Variants in NRG1 observed in about 807,000 individuals in gnomAD.
NRG1 encodes the protein pro-neuregulin-1, membrane-bound isoform.
In NRG1, 18 loss-of-function variants were observed where a neutral mutation model predicts 63.8. That is an observed-to-expected ratio of 0.28 (90% confidence interval 0.19 to 0.42). The LOEUF (loss-of-function observed/expected upper bound fraction) is 0.42. Among genes scored for constraint, NRG1 ranks in the 10% least tolerant of loss-of-function variants. NRG1 has a pLI of 1.00. For synonymous variants in NRG1, 302 were observed against 301.3 expected (o/e 1.00, Z -0.02); for missense variants, 762 against 814.7 (o/e 0.94, Z 0.79).
intron 1 of NRG1, among the ~76,000 whole-genome samples, chr8:31,931,737 G>C (rs533216041): frequency 6.6e-6 from 1 of 152,306 alleles, no homozygotes; most frequent in East Asian, 1.9e-4. Context: ...AGGCAGTGCA[G>C]AGGACATGTG....
intron 1 of NRG1, among the ~76,000 whole-genome samples, chr8:31,664,194 T>A (rs1806296219): frequency 6.6e-6 from 1 of 152,186 alleles, no homozygotes; most frequent in Non-Finnish European, 1.5e-5. Flanking sequence ...CAGGCACCAG[T>A]GGATTCCTCT....
chr8:31,654,652 T>C (rs1231699778), intron 1 of NRG1, among the ~76,000 whole-genome samples: 1 of 152,240 alleles, frequency 6.6e-6, no homozygotes, highest in Non-Finnish European at 1.5e-5. Flanking sequence ...ACTTTACTGC[T>C]TCTTGGCTAG....
chr8:32,346,218 T>C (rs1366523250), intron 1 of NRG1, among the ~76,000 whole-genome samples: 1 of 147,712 alleles, frequency 6.8e-6, no homozygotes, highest in Non-Finnish European at 1.5e-5. Flanking sequence ...AATAGATATA[T>C]AGATGGATAA....
chr8:32,283,408 G>A (rs1005778184), intron 1 of NRG1, among the ~76,000 whole-genome samples: 4 of 152,138 alleles, frequency 2.6e-5, no homozygotes, highest in East Asian at 1.9e-4. Context: ...GTCACCTGGG[G>A]CAAGGTAGTA....
intron 1 of NRG1, among the ~76,000 whole-genome samples, chr8:32,425,056 A>G (rs943684422): frequency 3.9e-5 from 6 of 152,340 alleles, no homozygotes; most frequent in Admixed American, 2.0e-4. Flanking sequence ...AGTCCTTTGC[A>G]TATACATTTC....
chr8:31,897,153 T>A (rs1214986391), intron 1 of NRG1, among the ~76,000 whole-genome samples: 1 of 152,142 alleles, frequency 6.6e-6, no homozygotes, highest in Non-Finnish European at 1.5e-5. Context: ...CTCCCAACCA[T>A]CTGAGTGGAC....
intron 1 of NRG1, among the ~76,000 whole-genome samples, chr8:32,081,188 G>C (rs1018549121): frequency 2.6e-5 from 4 of 152,240 alleles, no homozygotes; most frequent in African/African-American, 9.6e-5. Context: ...ACACTGAACT[G>C]ACCATTACAA....
chr8:32,293,824 A>G (rs893779031), intron 1 of NRG1, among the ~76,000 whole-genome samples: 1 of 150,132 alleles, frequency 6.7e-6, no homozygotes, highest in African/African-American at 2.5e-5. Context: ...GGTTCAAGCA[A>G]TTTCCCACCT....
intron 1 of NRG1, among the ~76,000 whole-genome samples, chr8:32,340,973 T>C (rs756331556): frequency 9.2e-5 from 14 of 152,182 alleles, no homozygotes; most frequent in Non-Finnish European, 1.9e-4. Flanking sequence ...AGCTACAACA[T>C]TGAGTGGCCC....
chr8:32,011,556 C>A (rs1364252457), intron 1 of NRG1, among the ~76,000 whole-genome samples: 1 of 152,086 alleles, frequency 6.6e-6, no homozygotes, highest in Non-Finnish European at 1.5e-5. Flanking sequence ...TTGCAGCTGA[C>A]AATTATTGTT....
chr8:32,674,713 T>C (rs1274721481), intron 5 of NRG1, among the ~76,000 whole-genome samples: 1 of 152,204 alleles, frequency 6.6e-6, no homozygotes, highest in Admixed American at 6.5e-5. Context: ...ATAGTAGTAA[T>C]TTAATTTAAT....
At chr8:32,478,639 G>A (rs1172591270) in intron 1 of NRG1, among the ~76,000 whole-genome samples, 1 of 152,160 alleles carries the variant, frequency 6.6e-6, no homozygotes, top group Non-Finnish European at 1.5e-5. Flanking sequence ...AAATGAGTAT[G>A]GAAATAGAGT....
At chr8:32,168,659 A>C (rs549148620) in intron 1 of NRG1, among the ~76,000 whole-genome samples, 5 of 152,190 alleles carry the variant, frequency 3.3e-5, no homozygotes, top group South Asian at 2.1e-4. Context: ...AGTTTCTAAA[A>C]CATAAAATCC....
intron 1 of NRG1, among the ~76,000 whole-genome samples, chr8:32,285,401 CA>C (rs750723215): frequency 2.6e-5 from 4 of 152,174 alleles, no homozygotes; most frequent in Non-Finnish European, 5.9e-5. Flanking sequence ...AAATCTCAGA[CA>C]AGTCAAAAGC....
chr8:32,000,512 C>T (rs1321528659), intron 1 of NRG1, among the ~76,000 whole-genome samples: 1 of 151,914 alleles, frequency 6.6e-6, no homozygotes, highest in Admixed American at 6.6e-5. Context: ...AGCAATCCTC[C>T]CACCTCAGCC....
intron 1 of NRG1, among the ~76,000 whole-genome samples, chr8:31,807,080 T>C (rs1197111219): frequency 6.6e-6 from 1 of 152,242 alleles, no homozygotes; most frequent in Non-Finnish European, 1.5e-5. Context: ...CTAATTGTGT[T>C]AAATGCCGGC....
chr8:32,316,699 C>G (rs977611068), intron 1 of NRG1, among the ~76,000 whole-genome samples: 2 of 152,088 alleles, frequency 1.3e-5, no homozygotes, highest in Non-Finnish European at 2.9e-5. Context: ...CTTTACCTCA[C>G]CTTGATCCTC....
rs1047085862 is a variant in NRG1 at position 31,868,147 on chromosome 8, T to TACACACACAC, written c.37+228754_37+228763dup. 6.9e-3 allele frequency among the ~76,000 whole-genome samples: 226 copies of TACACACACAC among 32,636 alleles called. 4 individuals carry two copies. Among genetic ancestry groups the TACACACACAC allele is most frequent in the African/African-American group, 0.017 (209 of 12,082 alleles). 21.4% of individuals were successfully genotyped at this position (32,636 alleles called of 152,430 possible). On this transcript the variant is annotated intron_variant, in intron 1 of 10. Coordinates refer to the NRG1 transcript ENST00000519301. ...AACACACACACACACACATACATCT[T>TACACACACAC]ACACACACACACACACACACACACA...
intron 1 of NRG1, among the ~76,000 whole-genome samples, chr8:31,999,199 A>G (rs2129634241): frequency 6.6e-6 from 1 of 152,142 alleles, no homozygotes; most frequent in East Asian, 1.9e-4. Flanking sequence ...TAGACTGGCA[A>G]GAATCATGAT....
Sources: gnomAD v4.1 joint callset for allele counts (sites outside exome capture counted in the v4.1 genomes callset) on GRCh38, gnomAD v4.1.1 for gene constraint, MANE v1.5 for transcripts, NCBI Gene and HGNC (gene_info 2026-07-23, HGNC 2026-07-21) for gene names.